Variants in AFG2A observed in about 807,000 individuals in gnomAD.
AFG2A encodes AAA ATPase AFG2A, also known as ATPase family gene 2 protein homolog A.
chr4:123,074,093 G>GTT, the AFG2A span, among the ~76,000 whole-genome samples: 1 of 39,534 alleles, frequency 2.5e-5, no homozygotes, highest in African/African-American at 5.7e-5. Context: ...TTCTCAGATA[G>GTT]TATTTTTTTT....
the AFG2A span, among the ~76,000 whole-genome samples, chr4:123,067,601 A>C: frequency 5.6e-5 from 1 of 17,762 alleles, no homozygotes; most frequent in African/African-American, 2.1e-4. Context: ...TAAAATGTAT[A>C]CTAGGAAAAA....
the AFG2A span, among the ~76,000 whole-genome samples, chr4:123,281,505 G>A: frequency 1.3e-5 from 2 of 152,134 alleles, no homozygotes; most frequent in South Asian, 4.1e-4. Context: ...ATAGACAAAT[G>A]CACTGGGAAG....
At chr4:123,113,614 G>A in the AFG2A span, among the ~76,000 whole-genome samples, 2 of 152,174 alleles carry the variant, frequency 1.3e-5, no homozygotes, top group Non-Finnish European at 2.9e-5. Flanking sequence ...GAATACAGAT[G>A]ACTTGGATTT....
the AFG2A span, among the ~76,000 whole-genome samples, chr4:123,081,196 C>T: frequency 6.6e-6 from 1 of 152,182 alleles, no homozygotes; most frequent in African/African-American, 2.4e-5. Flanking sequence ...TAACATATAT[C>T]TACCATGATA....
At chr4:123,089,093 A>G in the AFG2A span, among the ~76,000 whole-genome samples, 4 of 152,206 alleles carry the variant, frequency 2.6e-5, no homozygotes, top group Non-Finnish European at 5.9e-5. Context: ...ATGTTAAATT[A>G]ATAAATTAGC....
At chr4:123,302,024 T>G in the AFG2A span, among the ~76,000 whole-genome samples, 2 of 152,074 alleles carry the variant, frequency 1.3e-5, no homozygotes, top group South Asian at 4.1e-4. Context: ...TATGTGTGTG[T>G]CAATGGGGCA....
At chr4:123,076,694 T>G in the AFG2A span, among the ~76,000 whole-genome samples, 3 of 152,044 alleles carry the variant, frequency 2.0e-5, no homozygotes, top group East Asian at 3.9e-4. Context: ...GTTAGGGATT[T>G]TTTTCCCCTC....
the AFG2A span, among the ~76,000 whole-genome samples, chr4:123,254,666 G>C: frequency 6.6e-6 from 1 of 152,042 alleles, no homozygotes; most frequent in Non-Finnish European, 1.5e-5. Flanking sequence ...TTGATTTTTA[G>C]TATATTCACA....
the AFG2A span, among the ~76,000 whole-genome samples, chr4:123,154,272 A>G: frequency 6.6e-6 from 1 of 152,030 alleles, no homozygotes; most frequent in East Asian, 1.9e-4. Flanking sequence ...TTTACTGTTT[A>G]ATGTTAAAAC....
chr4:123,129,136 T>G, the AFG2A span, among the ~76,000 whole-genome samples: 2 of 152,174 alleles, frequency 1.3e-5, no homozygotes, highest in Admixed American at 1.3e-4. Flanking sequence ...CATTTTCAAT[T>G]AAAAATCTTA....
At chr4:123,019,654 A>C in the AFG2A span, among the ~76,000 whole-genome samples, 1 of 152,184 alleles carries the variant, frequency 6.6e-6, no homozygotes, top group African/African-American at 2.4e-5. Context: ...GAGAATTATA[A>C]AGCTGTTTTT....
chr4:123,114,418 A>G, the AFG2A span, among the ~76,000 whole-genome samples: 1 of 152,146 alleles, frequency 6.6e-6, no homozygotes, highest in Non-Finnish European at 1.5e-5. Context: ...GAGCACCCAC[A>G]GGCCAGCCCA....
At chr4:122,955,771 C>T in the AFG2A span, among the ~76,000 whole-genome samples, 5 of 152,186 alleles carry the variant, frequency 3.3e-5, no homozygotes, top group South Asian at 8.3e-4. Context: ...TTGGGAGAGA[C>T]TGCAGGTTAT....
At chr4:122,931,492 G>T in the AFG2A span, among the ~76,000 whole-genome samples, 1 of 151,830 alleles carries the variant, frequency 6.6e-6, no homozygotes, top group South Asian at 2.1e-4. Context: ...AATATATGTA[G>T]CGTATGTATA....
chr4:122,961,566 G>A, the AFG2A span, among the ~76,000 whole-genome samples: 11 of 152,290 alleles, frequency 7.2e-5, no homozygotes, highest in Non-Finnish European at 7.4e-5. Context: ...GTGCAGTGGC[G>A]CAGTCTTGGC....
the AFG2A span, among the ~76,000 whole-genome samples, chr4:123,254,294 T>C: frequency 6.6e-6 from 1 of 151,314 alleles, no homozygotes; most frequent in South Asian, 2.1e-4. Flanking sequence ...TATTTTTCAG[T>C]ATGGTGTGAG....
chr4:123,061,029 T>A, the AFG2A span, among the ~76,000 whole-genome samples: 1 of 152,172 alleles, frequency 6.6e-6, no homozygotes, highest in Non-Finnish European at 1.5e-5. Flanking sequence ...TCCAACATGT[T>A]CCTCATTTTC....
the AFG2A span, among the ~76,000 whole-genome samples, chr4:123,263,627 G>T: frequency 6.6e-6 from 1 of 152,086 alleles, no homozygotes; most frequent in Non-Finnish European, 1.5e-5. Flanking sequence ...CATCACTAAT[G>T]ATCAGGAAAA....
At chr4:123,310,963 C>T in the AFG2A span, among the ~76,000 whole-genome samples, 1 of 152,216 alleles carries the variant, frequency 6.6e-6, no homozygotes, top group African/African-American at 2.4e-5. Context: ...ACTCCTTCCT[C>T]TACACAGAAG....
Sources: gnomAD v4.1 joint callset for allele counts (sites outside exome capture counted in the v4.1 genomes callset) on GRCh38, gnomAD v4.1.1 for gene constraint, MANE v1.5 for transcripts, NCBI Gene and HGNC (gene_info 2026-07-23, HGNC 2026-07-21) for gene names.